Variants in PTPRD observed in about 807,000 individuals in gnomAD.
The protein encoded by PTPRD is receptor-type tyrosine-protein phosphatase delta.
Under a neutral mutation model 214.5 loss-of-function variants are expected in PTPRD, and 34 were observed. The observed-to-expected ratio is 0.16, with a 90% CI of 0.12 to 0.21. The LOEUF (loss-of-function observed/expected upper bound fraction) is 0.21, where lower values mean the gene tolerates loss of function less well. Ranked by LOEUF, PTPRD falls within the 10% of genes least tolerant of loss-of-function variation. The pLI is 1.00. For synonymous variants in PTPRD, 1,128 were observed against 845.7 expected (o/e 1.33, Z -5.79); for missense variants, 2,545 against 2,398.7 (o/e 1.06, Z -1.27).
In PTPRD at chr9:10,018,504, C is replaced by G. The variant is rs1380505895; in HGVS notation, c.-472+15214G>C. Among the ~76,000 whole-genome samples the G allele has an allele frequency of 7.7e-5, 11 of 143,050 alleles. No individual in the cohort carries two copies. The Admixed American group carries it at 7.7e-4, about 10-fold the overall frequency. 93.8% of individuals were successfully genotyped at this position (143,050 alleles called of 152,430 possible). A position where few individuals can be genotyped will look rare whatever the true frequency, so the allele number is the denominator to read the frequency against. On this transcript the variant is annotated intron_variant, in intron 4 of 45. Coordinates refer to ENST00000381196, the MANE Select transcript of PTPRD (RefSeq NM_002839.4). ...ATATTTGTTCTCAAATATACCATTA[C>G]TCTGCTAAAATGATTTATTTAAGAA...
chr9:8,330,854 A>G (rs559795303), intron 44 of PTPRD, among the ~76,000 whole-genome samples: 2 of 150,126 alleles, frequency 1.3e-5, no homozygotes, highest in South Asian at 2.1e-4. Context: ...CAAGAGTTTC[A>G]CCATAAAAAG....
intron 2 of PTPRD, among the ~76,000 whole-genome samples, chr9:10,509,200 A>G (rs1295636578): frequency 6.6e-6 from 1 of 152,100 alleles, no homozygotes; most frequent in Non-Finnish European, 1.5e-5. Flanking sequence ...GCAACTCCAT[A>G]TTAAAAATCA....
At chr9:8,891,520 G>C (rs1409548472) in intron 11 of PTPRD, among the ~76,000 whole-genome samples, 4 of 151,266 alleles carry the variant, frequency 2.6e-5, no homozygotes, top group African/African-American at 9.7e-5. Context: ...ATACATTAAA[G>C]AGCCATTTGT....
chr9:8,805,097 G>A lies in PTPRD; in HGVS notation c.-103-71151C>T, dbSNP rs955049764. 2.0e-5 allele frequency among the ~76,000 whole-genome samples: 3 copies of A among 152,140 alleles called. No homozygotes were observed. In the East Asian group the frequency reaches 5.8e-4, roughly 29 times the overall value. On this transcript the variant is annotated intron_variant, in intron 11 of 45. Transcript: ENST00000381196. ...TGATCAGATCAAAGCCATGGGATCA[G>A]AACCTATACCTCACAGATAGTATCT...
intron 3 of PTPRD, among the ~76,000 whole-genome samples, chr9:10,064,239 T>A (rs1352037841): frequency 3.3e-5 from 5 of 151,984 alleles, no homozygotes; most frequent in Non-Finnish European, 4.4e-5. Flanking sequence ...GTATGGTGAA[T>A]TGTTTTGAGG....
intron 10 of PTPRD, among the ~76,000 whole-genome samples, chr9:9,101,109 G>C (rs1281998714): frequency 1.3e-5 from 2 of 151,750 alleles, no homozygotes; most frequent in Non-Finnish European, 2.9e-5. Context: ...AACAGAGAGA[G>C]AGAGAGAGTA....
chr9:9,634,451 A>G (rs1009279109), intron 7 of PTPRD, among the ~76,000 whole-genome samples: 1 of 152,170 alleles, frequency 6.6e-6, no homozygotes, highest in African/African-American at 2.4e-5. Context: ...AATATAATTT[A>G]TACAATCCAT....
chr9:9,765,796 G>A (rs1489049019), intron 6 of PTPRD, among the ~76,000 whole-genome samples: 1 of 152,024 alleles, frequency 6.6e-6, no homozygotes, highest in African/African-American at 2.4e-5. Context: ...GAGTAGCTGG[G>A]ACTACAGGCA....
chr9:9,191,417 G>C (rs10977558), intron 9 of PTPRD, among the ~76,000 whole-genome samples: 32,803 of 152,014 alleles, frequency 0.22, 4,287 homozygotes, highest in Non-Finnish European at 0.3. Context: ...AGTCTCGTGA[G>C]AGGTCTGGAG....
At chr9:10,058,431 T>C (rs2097698877) in intron 3 of PTPRD, among the ~76,000 whole-genome samples, 1 of 152,046 alleles carries the variant, frequency 6.6e-6, no homozygotes, top group Non-Finnish European at 1.5e-5. Flanking sequence ...AATTGCTACT[T>C]ATCAAAATGT....
At chr9:10,384,473 C>T (rs943740358) in intron 2 of PTPRD, among the ~76,000 whole-genome samples, 1 of 151,086 alleles carries the variant, frequency 6.6e-6, no homozygotes, top group African/African-American at 2.4e-5. Flanking sequence ...ATATATTGAG[C>T]AAAATAAGTT....
intron 8 of PTPRD, among the ~76,000 whole-genome samples, chr9:9,477,176 A>T (rs2095113778): frequency 1.3e-5 from 2 of 152,010 alleles, no homozygotes; most frequent in Admixed American, 1.3e-4. Flanking sequence ...GGACTGTCTG[A>T]CTCCACAATA....
At chr9:9,323,221 G>GA (rs146191718) in intron 9 of PTPRD, among the ~76,000 whole-genome samples, 1 of 151,546 alleles carries the variant, frequency 6.6e-6, no homozygotes, top group Non-Finnish European at 1.5e-5. Context: ...ATCACGATGA[G>GA]AAAAAATCAT....
intron 9 of PTPRD, among the ~76,000 whole-genome samples, chr9:9,184,806 T>C (rs944437084): frequency 1.3e-5 from 2 of 152,046 alleles, no homozygotes; most frequent in African/African-American, 4.8e-5. Flanking sequence ...TTTTTTAAAA[T>C]AACTTAAATC....
intron 8 of PTPRD, among the ~76,000 whole-genome samples, chr9:9,490,722 T>C (rs1291995649): frequency 1.3e-5 from 2 of 151,566 alleles, no homozygotes; most frequent in African/African-American, 2.4e-5. Context: ...AGCTATAAAA[T>C]ATAAATAAAA....
At chr9:9,657,527 C>A (rs2096542891) in intron 7 of PTPRD, among the ~76,000 whole-genome samples, 1 of 151,992 alleles carries the variant, frequency 6.6e-6, no homozygotes, top group Non-Finnish European at 1.5e-5. Flanking sequence ...GTGCAGCAAA[C>A]CAACATGGCA....
intron 31 of PTPRD, among the ~76,000 whole-genome samples, chr9:8,469,107 A>G (rs539113888): frequency 6.6e-6 from 1 of 152,164 alleles, no homozygotes; most frequent in African/African-American, 2.4e-5. Flanking sequence ...TTATCAAACC[A>G]TTATACAGAT....
chr9:8,516,542 T>C (rs1347083976), intron 21 of PTPRD, among the ~76,000 whole-genome samples: 1 of 152,100 alleles, frequency 6.6e-6, no homozygotes, highest in Non-Finnish European at 1.5e-5. Flanking sequence ...AACAAGTCAG[T>C]GATTCACAGG....
intron 7 of PTPRD, among the ~76,000 whole-genome samples, chr9:9,687,303 C>T (rs2097182764): frequency 6.6e-6 from 1 of 151,732 alleles, no homozygotes; most frequent in African/African-American, 2.4e-5. Context: ...CTAAAATAAA[C>T]CTTACACAGG....
Sources: allele counts gnomAD v4.1 joint callset (sites outside exome capture counted in the v4.1 genomes callset), GRCh38; gene constraint gnomAD v4.1.1; transcripts MANE v1.5; gene names NCBI Gene and HGNC (gene_info 2026-07-23, HGNC 2026-07-21).